Variants in AAAS observed in about 807,000 individuals in gnomAD.
AAAS encodes aladin WD repeat nucleoporin.
In AAAS, 60 loss-of-function variants were observed where a neutral mutation model predicts 75.6. The ratio of observed to expected loss-of-function variants is 0.79; its 90% confidence interval spans 0.64 to 0.98. The LOEUF is 0.98. Among genes scored for constraint, AAAS ranks in the 50% least tolerant of loss-of-function variants. AAAS has a pLI of 0.00. For synonymous variants in AAAS, 271 were observed against 265.0 expected, an observed-to-expected ratio of 1.02 and a Z score of -0.22; for missense variants, 658 against 686.9, an observed-to-expected ratio of 0.96 and a Z score of 0.47.
chr12:53,309,317 A>C (rs772352555), intron 8 of AAAS, 36 bp from the exon 9 acceptor site: 4 of 1,612,038 alleles, frequency 2.5e-6, no homozygotes, highest in Non-Finnish European at 3.4e-6. Context: ...GGAAAACTCA[A>C]GCACCCCATC....
chr12:53,312,669 A>G (rs991627400), intron 7 of AAAS, among the ~76,000 whole-genome samples: 4 of 151,654 alleles, frequency 2.6e-5, no homozygotes, highest in East Asian at 1.9e-4. Context: ...TCCCGTATCT[A>G]TATCTTTCCA....
rs553553413 is a variant in AAAS, at chr12:53,321,462, A to C, written c.4T>G (p.Cys2Gly). M[C>G]SLGLFPPPPP... ...GGAGGAGGGAACAACCCCAGAGAGC[A>C]CATCTTGCCGGTTCGCAGGACGTCT... is the stretch of plus-strand genomic sequence containing the variant. Residue 2 changes from cysteine to glycine, a missense_variant, in exon 1 of 16, where the codon TGC (cysteine) becomes GGC (glycine). Transcript: ENST00000209873. 68 of 1,614,120 alleles carry C rather than the reference A, an allele frequency of 4.2e-5. 2 individuals are homozygous for C. In the South Asian group the frequency reaches 6.4e-4, roughly 15 times the overall value.
Position 53,308,514 on chromosome 12 carries a change from ACCCCTTTCCCT to A in AAAS, c.1091_1101del (p.Glu364ValfsTer16), listed in dbSNP as rs751197445. 3 of 1,613,786 alleles carry A rather than the reference ACCCCTTTCCCT, an allele frequency of 1.9e-6. No individual in the cohort carries two copies. In the South Asian group the frequency reaches 3.3e-5, roughly 18 times the overall value. On this transcript the variant is annotated frameshift_variant, in exon 12 of 16. Coordinates refer to ENST00000209873, the MANE Select transcript of AAAS (RefSeq NM_015665.6). LOFTEE classifies it high-confidence loss of function. The stretch of plus-strand genomic sequence containing the variant: ...GTTGCTGACTTTGCACCTCCAACGC[ACCCCTTTCCCT>A]CACCTGTGGACAAATAAGAGCAGAG...
In AAAS at chr12:53,315,378, C is replaced by T. The variant is rs201900849; in HGVS notation, c.356G>A (p.Arg119Gln). The T allele has an allele frequency of 1.5e-4, 243 of 1,614,054 alleles. No homozygotes were observed. Among genetic ancestry groups the T allele is most frequent in the Admixed American group, 3.3e-5 (2 of 60,018 alleles). Residue 119 changes from arginine (R) to glutamine (Q), a missense_variant, in exon 4 of 16, where the codon CGA becomes CAA. Arg to Gln is a conservative substitution (Grantham distance 43). Transcript: ENST00000209873. ...TASGWALALC[R>Q]WASSLHGSLF... ...GGACCCATGGAGGGAAGAGGCCCAT[C>T]GACAGAGTGCCAGGGCCCAGCCGGA...
chr12:53,309,781 C>G (rs1944357769), intron 7 of AAAS, 60 bp from the exon 8 acceptor site: 1 of 1,594,094 alleles, frequency 6.3e-7, no homozygotes, highest in Non-Finnish European at 8.5e-7. Context: ...CCCCAAAATT[C>G]TATTTCTTTG....
chr12:53,311,482 T>A (rs1480305850), intron 7 of AAAS, among the ~76,000 whole-genome samples: 2 of 152,182 alleles, frequency 1.3e-5, no homozygotes, highest in Non-Finnish European at 2.9e-5. Context: ...AGGCGTGGTG[T>A]ACGCACCTAT....
Position 53,320,377 on chromosome 12 carries a change from AC to A in AAAS, c.251+187del, listed in dbSNP as rs1944534259. Among the ~76,000 whole-genome samples, 5 of 152,306 alleles carry A rather than the reference AC, an allele frequency of 3.3e-5. No individual in the cohort carries two copies. In the South Asian group the frequency reaches 1.0e-3, roughly 32 times the overall value. On this transcript the variant is annotated intron_variant, in intron 2 of 15. Coordinates refer to ENST00000209873, the MANE Select transcript of AAAS (RefSeq NM_015665.6). The stretch of plus-strand genomic sequence containing the variant: ...GTTCCTGGGAAGGGCAAGGAAGGGA[AC>A]CTGACATTTATTGAGCATTTGAGTT...
In AAAS at chr12:53,321,308, T is replaced by C. The variant is rs762496552; in HGVS notation, c.123+35A>G. The C allele has an allele frequency of 3.1e-6, 5 of 1,603,692 alleles. No homozygotes were observed. In the African/African-American group the frequency reaches 5.3e-5, roughly 17 times the overall value. On this transcript the variant is annotated intron_variant, in intron 1 of 15. Transcript: ENST00000209873. Reference sequence around the variant, plus strand: ...CCAGTAGTCCCCGACTCCGCCCCCATGCCTGTAGGTCCCCTCCCTCCTCGC... The same window carrying C: ...CCAGTAGTCCCCGACTCCGCCCCCACGCCTGTAGGTCCCCTCCCTCCTCGC...
At chr12:53,321,102 G>C (rs1195592727) in intron 1 of AAAS, 4 of 623,388 alleles carry the variant, frequency 6.4e-6, no homozygotes, top group African/African-American at 3.7e-5. Flanking sequence ...ACACTCCCTA[G>C]ATTCTCCCTC....
chr12:53,320,462 C>A lies in AAAS; in HGVS notation c.251+103G>T, dbSNP rs560231545. 4.7e-5 allele frequency: 72 copies of A among 1,516,468 alleles called. 1 individual carries two copies. In the South Asian group the frequency reaches 8.1e-4, roughly 17 times the overall value. The allele number at this position is 1,516,468 out of a possible 1,614,324, so 93.9% of individuals were successfully genotyped here. A position where few individuals can be genotyped will look rare whatever the true frequency, so the allele number is the denominator to read the frequency against. On this transcript the variant is annotated intron_variant, in intron 2 of 15. Coordinates refer to ENST00000209873, the MANE Select transcript of AAAS (RefSeq NM_015665.6). ...GGATATACAGCTCTCGTGGAGACAGCCTGAATAAAAGTCTTTTGAAGAACA... is the reference window on the plus strand; with the variant it reads ...GGATATACAGCTCTCGTGGAGACAGACTGAATAAAAGTCTTTTGAAGAACA...
intron 14 of AAAS, 30 bp downstream of exon 14, chr12:53,308,022 T>C (rs1299049567): frequency 6.2e-7 from 1 of 1,613,836 alleles, no homozygotes; most frequent in Non-Finnish European, 8.5e-7. Context: ...TGGTGAGAAG[T>C]CCAGACCTAA....
At position 53,307,995 on chromosome 12, in the gene AAAS, T is replaced by G. The variant is rs188658003; in HGVS notation, c.1331+57A>C. The G allele has an allele frequency of 4.5e-4, 724 of 1,612,928 alleles. 3 individuals are homozygous for G. The East Asian group carries it at 9.8e-3, about 22-fold the overall frequency. ...AGCTGAATGTAGTGGGATGTGGGTT[T>G]GTTTGTGCAGGAAGGCTGGTGAGAA... On this transcript the variant is annotated intron_variant, in intron 14 of 15. Coordinates refer to ENST00000209873, the MANE Select transcript of AAAS (RefSeq NM_015665.6).
rs769964818 is a variant in AAAS at position 53,307,613 on chromosome 12, G to C, written c.1517C>G (p.Ala506Gly). ...PVLGRAQEPPAGGGGSIHDLP... is the reference protein window; with the variant it reads ...PVLGRAQEPPGGGGGSIHDLP... ...GTCATGAATAGAGCCTCCACCCCCA[G>C]CAGGGGGTTCCTGGGCCCGCCCAAG... Residue 506 changes from alanine (A) to glycine (G), a missense_variant, in exon 16 of 16, where the codon GCT (alanine) becomes GGT (glycine). Ala to Gly is a moderately conservative substitution (Grantham distance 60, BLOSUM62 0). Transcript: ENST00000209873. 87 of 1,614,184 alleles carry C rather than the reference G, an allele frequency of 5.4e-5. No individual in the cohort carries two copies. In the Middle Eastern group the frequency reaches 1.2e-3, roughly 21 times the overall value.
At chr12:53,318,223 A>T (rs868245017) in intron 2 of AAAS, among the ~76,000 whole-genome samples, 94 of 136,908 alleles carry the variant, frequency 6.9e-4, no homozygotes, top group Non-Finnish European at 1.2e-3. Flanking sequence ...ATGGGGTTTC[A>T]GTGTGTGTGT....
intron 8 of AAAS, 29 bp downstream of exon 8, chr12:53,309,572 A>G (rs370942625): frequency 2.8e-4 from 451 of 1,613,408 alleles, no homozygotes; most frequent in African/African-American, 4.0e-4. Flanking sequence ...CAGGACTGAA[A>G]TGTGCATGAG....
At chr12:53,309,503 C>T (rs1036001980) in intron 8 of AAAS, 98 bp downstream of exon 8, 2 of 1,598,320 alleles carry the variant, frequency 1.3e-6, no homozygotes, top group Middle Eastern at 2.2e-4. Flanking sequence ...ACTGAATGGA[C>T]CAAGGTCCCT....
rs377397437 is a variant in AAAS at position 53,307,830 on chromosome 12, G to C, written c.1416+15C>G. 3.1e-6 allele frequency: 5 copies of C among 1,613,870 alleles called. No individual in the cohort carries two copies. In the African/African-American group the frequency reaches 6.7e-5, roughly 22 times the overall value. On this transcript the variant is annotated intron_variant, in intron 15 of 15. Transcript: ENST00000209873. ...CATCCAACTCCTGGAAGCCCCAGCA[G>C]CCTGGCGCACTCACCACACTGAGCA...
chr12:53,307,775 C>T (rs1944312468), intron 15 of AAAS, 62 bp from the exon 16 acceptor site: 3 of 1,612,764 alleles, frequency 1.9e-6, no homozygotes, highest in Admixed American at 3.3e-5. Context: ...CCTGGCAGAG[C>T]CATACAGCAG....
intron 2 of AAAS, among the ~76,000 whole-genome samples, chr12:53,317,336 T>C (rs1592521216): frequency 6.6e-6 from 1 of 151,886 alleles, no homozygotes; most frequent in Admixed American, 6.6e-5. Context: ...GGCGGGCGGA[T>C]CACAAGGTCA....
Sources: allele counts gnomAD v4.1 joint callset (sites outside exome capture counted in the v4.1 genomes callset), GRCh38; gene constraint gnomAD v4.1.1; transcripts MANE v1.5; gene names NCBI Gene and HGNC (gene_info 2026-07-23, HGNC 2026-07-21).